Variants in EXOC6B observed in about 807,000 individuals in gnomAD.
EXOC6B encodes SEC15 homolog B.
A neutral mutation model predicts 113.5 loss-of-function variants in EXOC6B; 54 were observed. The ratio of observed to expected loss-of-function variants is 0.48; its 90% CI spans 0.38 to 0.60. EXOC6B has a LOEUF of 0.60. Among genes scored for constraint, EXOC6B ranks in the 20% least tolerant of loss-of-function variants. EXOC6B has a pLI of 0.00. For synonymous variants in EXOC6B, 357 were observed against 339.0 expected (o/e 1.05, Z -0.58); for missense variants, 797 against 977.5 (o/e 0.82, Z 2.46).
At chr2:72,259,589 A>G (rs1683577764) in intron 20 of EXOC6B, among the ~76,000 whole-genome samples, 1 of 152,240 alleles carries the variant, frequency 6.6e-6, no homozygotes, top group Admixed American at 6.5e-5. Flanking sequence ...GTTTACTTTC[A>G]TAAGAAACTG....
intron 20 of EXOC6B, among the ~76,000 whole-genome samples, chr2:72,249,811 G>A (rs1682894438): frequency 6.6e-6 from 1 of 152,180 alleles, no homozygotes; most frequent in African/African-American, 2.4e-5. Context: ...ATGGTTGGTA[G>A]ACATTTACCT....
At chr2:72,270,703 A>T (rs532629203) in intron 20 of EXOC6B, among the ~76,000 whole-genome samples, 2 of 152,150 alleles carry the variant, frequency 1.3e-5, no homozygotes, top group South Asian at 4.1e-4. Flanking sequence ...GCAGATACAG[A>T]TTTCTCCTTT....
chr2:72,710,744 T>G (rs769593629), intron 6 of EXOC6B, among the ~76,000 whole-genome samples: 2 of 152,092 alleles, frequency 1.3e-5, no homozygotes, highest in African/African-American at 4.8e-5. Context: ...AAGAGTAAAT[T>G]TTGCTGTAGT....
intron 6 of EXOC6B, among the ~76,000 whole-genome samples, chr2:72,613,900 A>T (rs1479064406): frequency 2.6e-5 from 4 of 152,212 alleles, no homozygotes; most frequent in African/African-American, 9.6e-5. Context: ...GATTGAAAAT[A>T]AAAAAGTTGT....
intron 18 of EXOC6B, among the ~76,000 whole-genome samples, chr2:72,454,746 C>A (rs551823361): frequency 6.6e-6 from 1 of 152,278 alleles, no homozygotes; most frequent in South Asian, 2.1e-4. Context: ...CAAAGGACTA[C>A]TGGCTGGATA....
intron 6 of EXOC6B, among the ~76,000 whole-genome samples, chr2:72,632,586 C>G (rs1458790495): frequency 2.0e-5 from 3 of 152,134 alleles, no homozygotes. Context: ...CATAATGACT[C>G]TCTAGATAAT....
At chr2:72,238,797 G>A (rs888214496) in intron 20 of EXOC6B, among the ~76,000 whole-genome samples, 1 of 152,106 alleles carries the variant, frequency 6.6e-6, no homozygotes. Flanking sequence ...CTAGATATAA[G>A]TTCCTTATCA....
intron 18 of EXOC6B, among the ~76,000 whole-genome samples, chr2:72,438,711 T>C (rs1227921587): frequency 6.6e-6 from 1 of 152,210 alleles, no homozygotes. Flanking sequence ...ATCACCTTCA[T>C]TATTATGGTA....
intron 20 of EXOC6B, among the ~76,000 whole-genome samples, chr2:72,215,380 C>T (rs1011550070): frequency 6.6e-6 from 1 of 152,168 alleles, no homozygotes; most frequent in East Asian, 1.9e-4. Context: ...TGGATCTTCT[C>T]CTTCACATTA....
chr2:72,391,337 T>C (rs951617142), intron 18 of EXOC6B, among the ~76,000 whole-genome samples: 1 of 152,134 alleles, frequency 6.6e-6, no homozygotes, highest in Non-Finnish European at 1.5e-5. Context: ...ATTGGCAGTT[T>C]TGTTCTCTTT....
chr2:72,290,109 C>T (rs1685692361), intron 20 of EXOC6B, among the ~76,000 whole-genome samples: 1 of 152,210 alleles, frequency 6.6e-6, no homozygotes, highest in Non-Finnish European at 1.5e-5. Context: ...ACACCATTGG[C>T]TCTCCTGGTT....
intron 19 of EXOC6B, among the ~76,000 whole-genome samples, chr2:72,356,721 C>T (rs1013719934): frequency 5.3e-5 from 8 of 152,106 alleles, no homozygotes; most frequent in African/African-American, 1.9e-4. Flanking sequence ...ACACCCAACG[C>T]TTGCTTTCTG....
At chr2:72,439,189 T>C (rs1022919283) in intron 18 of EXOC6B, among the ~76,000 whole-genome samples, 1 of 152,242 alleles carries the variant, frequency 6.6e-6, no homozygotes, top group African/African-American at 2.4e-5. Flanking sequence ...TCTATTGATA[T>C]GTAAGGTTTT....
At chr2:72,276,742 T>G (rs898169989) in intron 20 of EXOC6B, among the ~76,000 whole-genome samples, 1 of 152,212 alleles carries the variant, frequency 6.6e-6, no homozygotes, top group Admixed American at 6.5e-5. Context: ...ATTAACTTGT[T>G]CATTTTGTAA....
At chr2:72,386,847 T>C (rs1164104267) in intron 18 of EXOC6B, among the ~76,000 whole-genome samples, 1 of 152,234 alleles carries the variant, frequency 6.6e-6, no homozygotes, top group African/African-American at 2.4e-5. Context: ...TTGTACACCT[T>C]AAATAAATGT....
At chr2:72,608,227 C>T (rs1003474998) in intron 6 of EXOC6B, among the ~76,000 whole-genome samples, 17 of 151,900 alleles carry the variant, frequency 1.1e-4, no homozygotes, top group Non-Finnish European at 1.6e-4. Flanking sequence ...TTGGAAAAGC[C>T]GTAAGAAGTT....
At chr2:72,489,773 T>C (rs912100573) in intron 16 of EXOC6B, among the ~76,000 whole-genome samples, 1 of 152,072 alleles carries the variant, frequency 6.6e-6, no homozygotes, top group Non-Finnish European at 1.5e-5. Context: ...AAATAATGAA[T>C]AGTCACATAA....
chr2:72,758,166 C>CAAA (rs59339550), intron 1 of EXOC6B, among the ~76,000 whole-genome samples: 3 of 93,822 alleles, frequency 3.2e-5, no homozygotes, highest in African/African-American at 1.2e-4. Flanking sequence ...GACTCTGTCT[C>CAAA]AAAAAAAAAA....
At chr2:72,325,065 G>A (rs1386104295) in intron 20 of EXOC6B, among the ~76,000 whole-genome samples, 1 of 152,070 alleles carries the variant, frequency 6.6e-6, no homozygotes, top group African/African-American at 2.4e-5. Context: ...CATGAAAAGG[G>A]AATATCAAAA....
Sources: gnomAD v4.1 joint callset for allele counts (sites outside exome capture counted in the v4.1 genomes callset) on GRCh38, gnomAD v4.1.1 for gene constraint, MANE v1.5 for transcripts, NCBI Gene and HGNC (gene_info 2026-07-23, HGNC 2026-07-21) for gene names.